Variants in CASKIN2 observed in about 807,000 individuals in gnomAD.
CASKIN2 encodes caskin-2.
In CASKIN2, 41 loss-of-function variants were observed where a neutral mutation model predicts 107.1. The ratio of observed to expected loss-of-function variants is 0.38; its 90% CI spans 0.30 to 0.50. The LOEUF (loss-of-function observed/expected upper bound fraction) is 0.50. CASKIN2 is among the 20% of genes least tolerant of loss of function. The probability of loss-of-function intolerance (pLI) is 0.92; values close to 1 mark genes in which losing one functional copy is unlikely to be tolerated. For missense variants in CASKIN2, 1,546 were observed against 1,657.4 expected, an observed-to-expected ratio of 0.93 and a Z score of 1.17; for synonymous variants, 724 against 705.6, an observed-to-expected ratio of 1.03 and a Z score of -0.41.
intron 19 of CASKIN2, 25 bp from the exon 20 acceptor site, chr17:75,501,195 C>A: frequency 6.4e-7 from 1 of 1,552,876 alleles, no homozygotes; most frequent in Admixed American, 1.9e-5. Context: ...AGGATGCGGT[C>A]AGATCAGCCA....
rs375093412 is a variant in CASKIN2 at position 75,504,891 on chromosome 17, C to T, written c.1113G>A (p.Pro371=). The change falls in exon 11 of 20, where the codon CCG becomes CCA. Residue 371 remains proline (P), a synonymous_variant. Transcript: ENST00000321617. ...TPLRPGFSRT[P]QPPAEEPPHP... is the part of the protein sequence containing the mutation. ...GCGGGGGTTCTTCGGCAGGAGGCTG[C>T]GGTGTCCGGGAGAAGCCTGGGCGCA... 1.0e-5 allele frequency: 14 copies of T among 1,336,296 alleles called. No homozygotes were observed. The highest frequency in any genetic ancestry group is 8.1e-5 in the African/African-American group (5 of 61,734). 82.8% of individuals were successfully genotyped at this position (1,336,296 alleles called of 1,614,324 possible).
At chr17:75,501,314 G>C in intron 19 of CASKIN2, 144 bp from the exon 20 acceptor site, 3 of 1,185,166 alleles carry the variant, frequency 2.5e-6, no homozygotes, top group Non-Finnish European at 3.6e-6. Flanking sequence ...GTAGCCACCA[G>C]GATTCCCTGA....
In CASKIN2 at chr17:75,502,765, G is replaced by C; in HGVS notation, c.2309C>G (p.Pro770Arg). The C allele has an allele frequency of 6.2e-7, 1 of 1,601,136 alleles. No homozygotes were observed. Among genetic ancestry groups the C allele is most frequent in the South Asian group, 1.1e-5 (1 of 89,772 alleles). ...QGSPSSPAPG[P>R]PPGAPWAFSY... is the part of the protein sequence containing the mutation. ...GAAGGCCCAGGGTGCGCCAGGAGGTGGCCCTGGGGCCGGGCTAGAGGGTGA... is the reference window on the plus strand; with the variant it reads ...GAAGGCCCAGGGTGCGCCAGGAGGTCGCCCTGGGGCCGGGCTAGAGGGTGA... Residue 770 changes from proline (P) to arginine (R), a missense_variant, in exon 18 of 20, where the codon CCA (proline) becomes CGA (arginine). By Grantham distance (103) the Pro-to-Arg change is moderately radical (BLOSUM62 -2). Around this residue, in one of 6 missense-constraint regions of CASKIN2, gnomAD observed 1,311 missense variants for 1,311.0 expected, o/e 1.00. Transcript: ENST00000321617. This position sits in a 1 kb window ranked among gnomAD's most constrained non-coding sequence, Gnocchi z 4.3.
intron 2 of CASKIN2, among the ~76,000 whole-genome samples, chr17:75,513,416 G>C (rs1283726856): frequency 6.6e-6 from 1 of 152,216 alleles, no homozygotes; most frequent in Non-Finnish European, 1.5e-5. Flanking sequence ...CTGTACTCCA[G>C]CCTGGGTGAC....
In CASKIN2 at chr17:75,505,053, G is replaced by A. The variant is rs116280627; in HGVS notation, c.951C>T (p.Asp317=). 380 of 1,565,368 alleles carry A rather than the reference G, an allele frequency of 2.4e-4. 2 individuals carry two copies. In the African/African-American group the frequency reaches 4.2e-3, roughly 17 times the overall value. The change falls in exon 11 of 20, where the codon GAC becomes GAT. Residue 317 remains aspartate (D), a synonymous_variant. Transcript: ENST00000321617. The surrounding 1 kb of genome is among the most constrained non-coding windows in gnomAD (Gnocchi z 5.1). ...CGTGGATGTGGCCCTTCCAGCGGCC[G>A]TCGGGATGCTGTTCTAGCACCTGCG... The part of the protein sequence containing the change: ...DVITVLEQHP[D]GRWKGHIHES...
rs2146979261 is a variant in CASKIN2, at chr17:75,501,933, T to C, written c.3141A>G (p.Gln1047=). The C allele has an allele frequency of 6.3e-7, 1 of 1,595,192 alleles. No individual in the cohort carries two copies. Among genetic ancestry groups the C allele is most frequent in the South Asian group, 1.1e-5 (1 of 88,006 alleles). The stretch of plus-strand genomic sequence containing the variant: ...TGGGAGCAAGGGGGGTTGGAACTCC[T>C]TGGGCTGGAAGGCTGCTGGGCTCGG... ...PQPEPSSLPA[Q]GVPTPLAPSP... Residue 1047 remains glutamine (Q), a synonymous_variant, in exon 18 of 20, where the codon CAA becomes CAG. Coordinates refer to ENST00000321617, the MANE Select transcript of CASKIN2 (RefSeq NM_020753.5).
At chr17:75,509,077 C>T (rs1459901595) in intron 2 of CASKIN2, among the ~76,000 whole-genome samples, 2 of 152,352 alleles carry the variant, frequency 1.3e-5, no homozygotes, top group South Asian at 4.1e-4. Context: ...TGACTCCACA[C>T]CTCCAGGGTC....
In CASKIN2 at chr17:75,500,627, A is replaced by G; in HGVS notation, c.*453T>C. 4.6e-6 allele frequency: 1 copy of G among 216,218 alleles called. No individual in the cohort carries two copies. The highest frequency in any genetic ancestry group is 9.4e-6 in the Non-Finnish European group (1 of 106,158). 13.4% of individuals were successfully genotyped at this position (216,218 alleles called of 1,614,324 possible). Reference sequence around the variant, plus strand: ...TTACATGTCCTCTGTACACCTACGGAGAGGGGGCCCGGCCAGACACACGCC... The same window carrying G: ...TTACATGTCCTCTGTACACCTACGGGGAGGGGGCCCGGCCAGACACACGCC... On this transcript the variant is annotated 3_prime_UTR_variant, in exon 20 of 20. Coordinates refer to ENST00000321617, the MANE Select transcript of CASKIN2 (RefSeq NM_020753.5).
chr17:75,503,319 C>T lies in CASKIN2; in HGVS notation c.1820-65G>A, dbSNP rs552757540. On this transcript the variant is annotated intron_variant, in intron 17 of 19. Transcript: ENST00000321617. ...GGGGTTGTCCTGGTCACCGCTGGGC[C>T]CCATACTGTCTTCTCTTGGAGACCC... The T allele has an allele frequency of 2.8e-4, 436 of 1,581,728 alleles. 2 individuals carry two copies. The African/African-American group carries it at 5.4e-3, about 20-fold the overall frequency.
intron 16 of CASKIN2, 60 bp from the exon 17 acceptor site, chr17:75,503,587 A>G (rs2146984190): frequency 6.2e-7 from 1 of 1,602,980 alleles, no homozygotes; most frequent in Non-Finnish European, 8.5e-7. Context: ...GCCAGAGGAG[A>G]AAAGGCACCG....
chr17:75,506,238 C>T lies in CASKIN2; in HGVS notation c.726+67G>A. On this transcript the variant is annotated intron_variant, in intron 8 of 19. Transcript: ENST00000321617. This position sits in a 1 kb window ranked among gnomAD's most constrained non-coding sequence, Gnocchi z 4.8. ...TGGAGTCCTCCGTCCCGTACCTCCC[C>T]AGCCAGTCAGGGGCACAGGGCAGAG... 1 of 1,394,406 alleles carries T rather than the reference C, an allele frequency of 7.2e-7. No homozygotes were observed. Among genetic ancestry groups the T allele is most frequent in the South Asian group, 1.2e-5 (1 of 85,116 alleles). The allele number at this position is 1,394,406 out of a possible 1,614,324, so 86.4% of individuals were successfully genotyped here.
chr17:75,505,958 G>C lies in CASKIN2; in HGVS notation c.727-29C>G. The C allele has an allele frequency of 3.2e-6, 5 of 1,582,994 alleles. No individual in the cohort carries two copies. The highest frequency in any genetic ancestry group is 4.3e-6 in the Non-Finnish European group (5 of 1,154,058). ...GGTGCACAGTGTCACATGAGCACAC[G>C]CTAAGCACTTTGACACCCCTCACCC... On this transcript the variant is annotated intron_variant, in intron 8 of 19. Transcript: ENST00000321617. This position sits in a 1 kb window ranked among gnomAD's most constrained non-coding sequence, Gnocchi z 5.1.
chr17:75,505,076 G>A lies in CASKIN2; in HGVS notation c.931-3C>T. 1 of 1,360,870 alleles carries A rather than the reference G, an allele frequency of 7.3e-7. No individual in the cohort carries two copies. The highest frequency in any genetic ancestry group is 1.0e-6 in the Non-Finnish European group (1 of 1,001,676). 84.3% of individuals were successfully genotyped at this position (1,360,870 alleles called of 1,614,324 possible). A position where few individuals can be genotyped will look rare whatever the true frequency, so the allele number is the denominator to read the frequency against. ...CCGTCGGGATGCTGTTCTAGCACCT[G>A]CGGCCAGGGGTGGGGGGCGGGGACG... is the stretch of plus-strand genomic sequence containing the variant. On this transcript the variant is annotated splice_polypyrimidine_tract_variant and splice_region_variant and intron_variant, in intron 10 of 19. Coordinates refer to ENST00000321617, the MANE Select transcript of CASKIN2 (RefSeq NM_020753.5). This position sits in a 1 kb window ranked among gnomAD's most constrained non-coding sequence, Gnocchi z 5.1.
rs2053261503 is a variant in CASKIN2 at position 75,506,035 on chromosome 17, C to G, written c.727-106G>C. ...GTACTATTACCATTTTCCGATTTTA[C>G]AGATGAGGACATAGAGGCTCAGGGA... On this transcript the variant is annotated intron_variant, in intron 8 of 19. Coordinates refer to ENST00000321617, the MANE Select transcript of CASKIN2 (RefSeq NM_020753.5). The surrounding 1 kb of genome is among the most constrained non-coding windows in gnomAD (Gnocchi z 4.8). 1.0e-6 allele frequency: 1 copy of G among 1,001,348 alleles called. No individual in the cohort carries two copies. Among genetic ancestry groups the G allele is most frequent in the East Asian group, 2.6e-5 (1 of 38,344 alleles). The allele number at this position is 1,001,348 out of a possible 1,614,324, so 62.0% of individuals were successfully genotyped here. A position where few individuals can be genotyped will look rare whatever the true frequency, so the allele number is the denominator to read the frequency against.
intron 3 of CASKIN2, chr17:75,507,886 G>T (rs2053282224): frequency 5.2e-6 from 3 of 578,432 alleles, no homozygotes; most frequent in Non-Finnish European, 9.2e-6. Context: ...CGTTTGTCTC[G>T]CCCCCCCGCC....
rs973066315 is a variant in CASKIN2 at position 75,514,075 on chromosome 17, C to T, written c.-271G>A. 2.4e-5 allele frequency: 14 copies of T among 577,066 alleles called. No homozygotes were observed. Among genetic ancestry groups the T allele is most frequent in the Non-Finnish European group, 3.7e-5 (12 of 324,302 alleles). 35.7% of individuals were successfully genotyped at this position (577,066 alleles called of 1,614,324 possible). On this transcript the variant is annotated 5_prime_UTR_variant, in exon 2 of 20. Coordinates refer to ENST00000321617, the MANE Select transcript of CASKIN2 (RefSeq NM_020753.5). Reference sequence around the variant, plus strand: ...CTGGATGGATATCAGCTTGTGGCTTCCGACAGCTCCAGGATGGGCTGGGAC... The same window carrying T: ...CTGGATGGATATCAGCTTGTGGCTTTCGACAGCTCCAGGATGGGCTGGGAC...
At chr17:75,501,437 C>A in intron 19 of CASKIN2, 31 bp downstream of exon 19, 1 of 1,585,318 alleles carries the variant, frequency 6.3e-7, no homozygotes, top group Non-Finnish European at 8.6e-7. Context: ...TCTCTGCAGC[C>A]TTCTCTCCCT....
Position 75,501,593 on chromosome 17 carries a change from TGGA to T in CASKIN2, c.3390_3392del (p.Pro1131del), listed in dbSNP as rs767199801. Reference sequence around the variant, plus strand: ...CCACAGTCCCAGTGCTCTCAGGCCGTGGAGGAGGCACTGGGCGGGGGCCGAGCC... The same window carrying T: ...CCACAGTCCCAGTGCTCTCAGGCCGTGGAGGCACTGGGCGGGGGCCGAGCC... On this transcript the variant is annotated inframe_deletion, in exon 19 of 20. Coordinates refer to ENST00000321617, the MANE Select transcript of CASKIN2 (RefSeq NM_020753.5). The T allele has an allele frequency of 6.8e-6, 11 of 1,607,714 alleles. No individual in the cohort carries two copies. The East Asian group carries it at 2.2e-4, about 33-fold the overall frequency.
chr17:75,508,831 G>A (rs1033913668), intron 2 of CASKIN2, among the ~76,000 whole-genome samples: 3 of 152,240 alleles, frequency 2.0e-5, no homozygotes, highest in African/African-American at 4.8e-5. Flanking sequence ...CATGCTCAGT[G>A]TCCTCAACTG....
Sources: gnomAD v4.1 joint callset for allele counts (sites outside exome capture counted in the v4.1 genomes callset) on GRCh38, gnomAD v4.1.1 for gene constraint, gnomAD v4.1.1 regional missense constraint, Gnocchi (gnomAD v3.1) non-coding constraint, MANE v1.5 for transcripts, NCBI Gene and HGNC (gene_info 2026-07-23, HGNC 2026-07-21) for gene names.